The following GRHL2 variants were observed in gnomAD, a reference collection of about 807,000 sequenced individuals.
GRHL2 encodes grainyhead-like protein 2 homolog.
In GRHL2, 21 loss-of-function variants were observed where a neutral mutation model predicts 83.8. The ratio of observed to expected loss-of-function variants is 0.25; its 90% CI spans 0.18 to 0.36. The LOEUF (loss-of-function observed/expected upper bound fraction) is 0.36, where lower values mean the gene tolerates loss of function less well. Ranked by LOEUF, GRHL2 falls within the 10% of genes least tolerant of loss-of-function variation. The pLI, the probability that GRHL2 is intolerant of heterozygous loss-of-function variation, is 1.00. For synonymous variants in GRHL2, 280 were observed against 278.9 expected, an observed-to-expected ratio of 1.00 and a Z score of -0.04; for missense variants, 623 against 781.8, an observed-to-expected ratio of 0.80 and a Z score of 2.42.
intron 2 of GRHL2, among the ~76,000 whole-genome samples, chr8:101,547,234 G>GT (rs10531952): frequency 6.6e-6 from 1 of 151,584 alleles, no homozygotes; most frequent in Non-Finnish European, 1.5e-5. Flanking sequence ...ACAGCAGTCT[G>GT]TTTTTTTTTT....
At chr8:101,552,379 T>C (rs1811401677) in intron 2 of GRHL2, among the ~76,000 whole-genome samples, 1 of 152,220 alleles carries the variant, frequency 6.6e-6, no homozygotes, top group Admixed American at 6.5e-5. Context: ...CAAGTCTAGA[T>C]TCACCTCTGC....
intron 8 of GRHL2, among the ~76,000 whole-genome samples, chr8:101,601,600 A>G (rs1316837759): frequency 6.6e-6 from 1 of 152,218 alleles, no homozygotes; most frequent in Admixed American, 6.5e-5. Flanking sequence ...GTCAAGTTTA[A>G]GCTCACATAC....
At chr8:101,586,461 G>A (rs1246505310) in intron 7 of GRHL2, among the ~76,000 whole-genome samples, 1 of 152,088 alleles carries the variant, frequency 6.6e-6, no homozygotes, top group Admixed American at 6.5e-5. Context: ...CTCACACCTT[G>A]AGACCTTGTT....
rs187846061 is a variant in GRHL2 at position 101,550,784 on chromosome 8, G to A, written c.217-1931G>A. Among the ~76,000 whole-genome samples the A allele has an allele frequency of 3.3e-3, 510 of 152,242 alleles. 4 individuals are homozygous for A. In the Middle Eastern group the frequency reaches 0.051, roughly 15 times the overall value. ...TTCCTTTCTTATCCTCCTACCTGCT[G>A]CTCCTCTCTGTTTTACCTTCTGTCT... is the stretch of plus-strand genomic sequence containing the variant. On this transcript the variant is annotated intron_variant, in intron 2 of 15. Coordinates refer to ENST00000646743, the MANE Select transcript of GRHL2 (RefSeq NM_024915.4).
At chr8:101,670,886 G>A (rs1045327887), downstream of GRHL2, among the ~76,000 whole-genome samples, 5 of 152,220 alleles carry the variant, frequency 3.3e-5, no homozygotes, top group African/African-American at 9.6e-5. Context: ...GGAGAGAGAG[G>A]CAAGTTAGAC....
intron 14 of GRHL2, among the ~76,000 whole-genome samples, chr8:101,652,332 TG>T (rs1563626561): frequency 1.1e-5 from 1 of 93,098 alleles, no homozygotes; most frequent in African/African-American, 7.6e-5. Flanking sequence ...GTGTGTGTGG[TG>T]TGTGTGTATG....
At chr8:101,537,752 T>C (rs1330419406) in intron 1 of GRHL2, among the ~76,000 whole-genome samples, 1 of 152,150 alleles carries the variant, frequency 6.6e-6, no homozygotes, top group Non-Finnish European at 1.5e-5. Flanking sequence ...AAACCGAAGT[T>C]ACCCAACTCC....
Position 101,607,694 on chromosome 8 carries a change from C to T in GRHL2, c.1098+8543C>T, listed in dbSNP as rs139584872. On this transcript the variant is annotated intron_variant, in intron 8 of 15. Coordinates refer to ENST00000646743, the MANE Select transcript of GRHL2 (RefSeq NM_024915.4). ...AAAGATTGAATTGCACACTGCAAAG[C>T]AGGGCAAATGGCATTTTTTTATGTG... 5.0e-3 allele frequency among the ~76,000 whole-genome samples: 765 copies of T among 152,240 alleles called. 8 individuals are homozygous for T. The highest frequency in any genetic ancestry group is 0.017 in the African/African-American group (699 of 41,538).
intron 1 of GRHL2, among the ~76,000 whole-genome samples, chr8:101,493,727 A>G (rs1810026146): frequency 1.3e-5 from 2 of 151,708 alleles, no homozygotes; most frequent in Admixed American, 6.6e-5. Context: ...GTCAAGGCCG[A>G]GGGCTCGGGG....
chr8:101,563,536 G>A (rs963431523), intron 4 of GRHL2, among the ~76,000 whole-genome samples: 12 of 152,132 alleles, frequency 7.9e-5, no homozygotes, highest in East Asian at 3.9e-4. Context: ...GTGGAATCAG[G>A]GAGTGATGAA....
At chr8:101,618,902 A>G (rs1053279140) in intron 8 of GRHL2, among the ~76,000 whole-genome samples, 2 of 152,104 alleles carry the variant, frequency 1.3e-5, no homozygotes, top group Non-Finnish European at 1.5e-5. Context: ...AGAAGTGGCA[A>G]CTTTGATATG....
At chr8:101,529,949 C>T (rs1810889744) in intron 1 of GRHL2, among the ~76,000 whole-genome samples, 1 of 152,076 alleles carries the variant, frequency 6.6e-6, no homozygotes, top group Admixed American at 6.5e-5. Flanking sequence ...TTGTCTGTTG[C>T]CTTTGTGGCA....
intron 13 of GRHL2, among the ~76,000 whole-genome samples, chr8:101,645,708 A>G (rs1813498787): frequency 6.6e-6 from 1 of 152,148 alleles, no homozygotes; most frequent in Non-Finnish European, 1.5e-5. Flanking sequence ...GGCACCTCCC[A>G]CATAGGCAGC....
intron 11 of GRHL2, among the ~76,000 whole-genome samples, chr8:101,632,973 T>C (rs1429828738): frequency 6.6e-6 from 1 of 152,186 alleles, no homozygotes; most frequent in African/African-American, 2.4e-5. Context: ...CTCAAGTTGA[T>C]GGAATATTAT....
intron 7 of GRHL2, among the ~76,000 whole-genome samples, chr8:101,591,038 ATC>A (rs1247357332): frequency 6.6e-6 from 1 of 152,202 alleles, no homozygotes; most frequent in Non-Finnish European, 1.5e-5. Flanking sequence ...GATTTCCAGA[ATC>A]ACACTTGCCC....
intron 8 of GRHL2, among the ~76,000 whole-genome samples, chr8:101,618,566 G>C (rs190144826): frequency 4.6e-5 from 7 of 152,114 alleles, no homozygotes; most frequent in Admixed American, 3.3e-4. Context: ...GAAATTAAGT[G>C]ACTTGTGTAA....
intron 1 of GRHL2, among the ~76,000 whole-genome samples, chr8:101,536,760 A>T (rs530735648): frequency 6.6e-6 from 1 of 152,280 alleles, no homozygotes; most frequent in South Asian, 2.1e-4. Context: ...TGACAGCAAG[A>T]TTCTTTTTTT....
intron 11 of GRHL2, among the ~76,000 whole-genome samples, chr8:101,633,019 G>A (rs1412178961): frequency 4.6e-5 from 7 of 152,064 alleles, no homozygotes; most frequent in Non-Finnish European, 7.4e-5. Flanking sequence ...AAACTACATA[G>A]CAACATGGGA....
At chr8:101,570,794 C>T (rs1296398156) in intron 5 of GRHL2, among the ~76,000 whole-genome samples, 1 of 152,176 alleles carries the variant, frequency 6.6e-6, no homozygotes, top group Non-Finnish European at 1.5e-5. Flanking sequence ...TCCAAGCCAC[C>T]CCAGCTAGAG....
Sources: allele counts gnomAD v4.1 joint callset (sites outside exome capture counted in the v4.1 genomes callset), GRCh38; gene constraint gnomAD v4.1.1; transcripts MANE v1.5; gene names NCBI Gene and HGNC (gene_info 2026-07-23, HGNC 2026-07-21).